The following TBC1D5 variants were observed in gnomAD, a reference collection of about 807,000 sequenced individuals.
TBC1D5 encodes the protein TBC1 domain family member 5, also known as TBC1 domain family, member 5.
In TBC1D5, 75 loss-of-function variants were observed where a neutral mutation model predicts 100.3. The ratio of observed to expected loss-of-function variants is 0.75; its 90% CI spans 0.62 to 0.91. TBC1D5 has a LOEUF of 0.91. Ranked by LOEUF, TBC1D5 falls within the 40% of genes least tolerant of loss-of-function variation. TBC1D5 has a pLI of 0.00. For synonymous variants in TBC1D5, 323 were observed against 325.6 expected (o/e 0.99, Z 0.09); for missense variants, 910 against 942.4 (o/e 0.97, Z 0.45).
chr3:17,536,523 CA>C (rs1560109576), intron 2 of TBC1D5, among the ~76,000 whole-genome samples: 1 of 151,984 alleles, frequency 6.6e-6, no homozygotes. Context: ...CTCTTGTTAA[CA>C]AAAAAACTAA....
At chr3:17,562,673 T>A (rs911624866) in intron 2 of TBC1D5, among the ~76,000 whole-genome samples, 1 of 152,188 alleles carries the variant, frequency 6.6e-6, no homozygotes, top group Non-Finnish European at 1.5e-5. Flanking sequence ...ACAGTCTTGG[T>A]GCATTGTGAA....
chr3:17,369,235 A>G (rs1415187551), intron 13 of TBC1D5, among the ~76,000 whole-genome samples: 1 of 152,196 alleles, frequency 6.6e-6, no homozygotes, highest in African/African-American at 2.4e-5. Flanking sequence ...GAAAAGAAAA[A>G]AAAAGTCAAA....
chr3:17,681,461 G>A (rs1330124874), intron 1 of TBC1D5, among the ~76,000 whole-genome samples: 3 of 151,424 alleles, frequency 2.0e-5, no homozygotes, highest in Non-Finnish European at 4.4e-5. Flanking sequence ...TACATATCAG[G>A]AGGAAATTCA....
At chr3:17,177,483 C>T (rs1387554075) in intron 19 of TBC1D5, among the ~76,000 whole-genome samples, 1 of 152,150 alleles carries the variant, frequency 6.6e-6, no homozygotes, top group African/African-American at 2.4e-5. Context: ...GGGCTCTCTG[C>T]CCAGAGTTTA....
intron 2 of TBC1D5, among the ~76,000 whole-genome samples, chr3:17,541,031 G>C (rs190053820): frequency 8.9e-4 from 134 of 149,936 alleles, no homozygotes; most frequent in African/African-American, 3.2e-3. Flanking sequence ...TCTTCCTTAT[G>C]CTAGTACAAC....
At chr3:17,387,817 A>G (rs1054640453) in intron 8 of TBC1D5, among the ~76,000 whole-genome samples, 5 of 151,392 alleles carry the variant, frequency 3.3e-5, no homozygotes, top group Middle Eastern at 3.2e-3. Context: ...GGTTTTGAAA[A>G]ATCAACAATG....
chr3:17,166,239 T>C (rs2066581365), intron 21 of TBC1D5, among the ~76,000 whole-genome samples: 1 of 151,378 alleles, frequency 6.6e-6, no homozygotes, highest in African/African-American at 2.4e-5. Context: ...ATATGTTGCC[T>C]GCAAATCCTG....
intron 15 of TBC1D5, among the ~76,000 whole-genome samples, chr3:17,282,048 T>C (rs2080663295): frequency 6.6e-6 from 1 of 152,202 alleles, no homozygotes; most frequent in Non-Finnish European, 1.5e-5. Context: ...AAATAAGTGA[T>C]TAGCTAGGTA....
chr3:17,422,340 T>C (rs2094228452), intron 4 of TBC1D5, among the ~76,000 whole-genome samples: 1 of 151,092 alleles, frequency 6.6e-6, no homozygotes, highest in African/African-American at 2.4e-5. Context: ...GCTAATTTTG[T>C]TTTTTGTTTT....
chr3:17,296,338 A>G (rs556517473), intron 14 of TBC1D5, among the ~76,000 whole-genome samples: 49 of 152,370 alleles, frequency 3.2e-4, no homozygotes, highest in Non-Finnish European at 6.3e-4. Context: ...CCTGGCATAG[A>G]GAAAACATTC....
intron 1 of TBC1D5, among the ~76,000 whole-genome samples, chr3:17,677,144 T>C (rs2068748308): frequency 6.6e-6 from 1 of 151,948 alleles, no homozygotes; most frequent in Admixed American, 6.5e-5. Context: ...AAGCCAAAAC[T>C]GACAAATGGG....
At chr3:17,187,698 GTCC>G (rs2069314799) in intron 18 of TBC1D5, among the ~76,000 whole-genome samples, 1 of 152,170 alleles carries the variant, frequency 6.6e-6, no homozygotes, top group Non-Finnish European at 1.5e-5. Context: ...GTCCTGCCTG[GTCC>G]TCCCCAATGA....
intron 2 of TBC1D5, among the ~76,000 whole-genome samples, chr3:17,543,785 TTC>T (rs2096384086): frequency 6.6e-6 from 1 of 152,082 alleles, no homozygotes; most frequent in South Asian, 2.1e-4. Context: ...TCACCTGGAG[TTC>T]TTACAATAAC....
intron 1 of TBC1D5, among the ~76,000 whole-genome samples, chr3:17,733,328 T>C (rs1035642319): frequency 1.3e-5 from 2 of 152,234 alleles, no homozygotes; most frequent in African/African-American, 4.8e-5. Flanking sequence ...GAACATAGCT[T>C]GATGAGTAAA....
intron 1 of TBC1D5, among the ~76,000 whole-genome samples, chr3:17,660,362 A>G (rs1252699979): frequency 6.6e-6 from 1 of 152,148 alleles, no homozygotes; most frequent in East Asian, 1.9e-4. Flanking sequence ...AACTCAGGAG[A>G]AGCTGACCTA....
At chr3:17,454,301 T>A (rs1319493570) in intron 3 of TBC1D5, among the ~76,000 whole-genome samples, 2 of 152,084 alleles carry the variant, frequency 1.3e-5, no homozygotes, top group African/African-American at 4.8e-5. Flanking sequence ...GTATAAATGG[T>A]ATCCGAATTG....
rs116290256 is a variant in TBC1D5, at chr3:17,237,647, T to C, written c.1588+516A>G. On this transcript the variant is annotated intron_variant, in intron 17 of 21. Transcript: ENST00000253692. The stretch of plus-strand genomic sequence containing the variant: ...TATTTTATGGACTCATACACTTACT[T>C]TGGCTGCTTTTAGTTTCTCCCTCCC... Among the ~76,000 whole-genome samples, 331 of 152,356 alleles carry C rather than the reference T, an allele frequency of 2.2e-3. 1 individual carries two copies. The highest frequency in any genetic ancestry group is 7.5e-3 in the African/African-American group (310 of 41,590).
intron 2 of TBC1D5, among the ~76,000 whole-genome samples, chr3:17,602,019 G>A (rs915520100): frequency 1.3e-5 from 2 of 152,038 alleles, no homozygotes; most frequent in African/African-American, 4.8e-5. Context: ...TTTTAGTAGA[G>A]ATGGGGTTTC....
At chr3:17,306,281 A>AG (rs2083393623) in intron 14 of TBC1D5, among the ~76,000 whole-genome samples, 1 of 152,100 alleles carries the variant, frequency 6.6e-6, no homozygotes, top group African/African-American at 2.4e-5. Flanking sequence ...TATAGTACCA[A>AG]ATATGTTCAT....
Sources: gnomAD v4.1 joint callset for allele counts (sites outside exome capture counted in the v4.1 genomes callset) on GRCh38, gnomAD v4.1.1 for gene constraint, MANE v1.5 for transcripts, NCBI Gene and HGNC (gene_info 2026-07-23, HGNC 2026-07-21) for gene names.